Variants in MATN2 observed in about 807,000 individuals in gnomAD.
The protein encoded by MATN2 is matrilin-2.
MATN2 carries 69 observed loss-of-function variants against 103.2 expected under a neutral mutation model. That is an observed-to-expected ratio of 0.67 (90% CI 0.55 to 0.82). MATN2 has a LOEUF of 0.82. Among genes scored for constraint, MATN2 ranks in the 40% least tolerant of loss-of-function variants. The probability of loss-of-function intolerance (pLI) is 0.00; values close to 1 mark genes in which losing one functional copy is unlikely to be tolerated. For missense variants in MATN2, 1,023 were observed against 1,211.5 expected (o/e 0.84, Z 2.31); for synonymous variants, 429 against 450.2 (o/e 0.95, Z 0.60).
intron 5 of MATN2, among the ~76,000 whole-genome samples, chr8:97,973,151 C>T (rs537272433): frequency 6.6e-6 from 1 of 152,322 alleles, no homozygotes; most frequent in Non-Finnish European, 1.5e-5. Context: ...CACTGATGGC[C>T]TCATCTGCCG....
intron 2 of MATN2, among the ~76,000 whole-genome samples, chr8:97,906,313 G>T (rs971891958): frequency 1.3e-5 from 2 of 152,172 alleles, no homozygotes; most frequent in South Asian, 2.1e-4. Flanking sequence ...TGCCATGGGG[G>T]TCCCTGATAC....
intron 2 of MATN2, among the ~76,000 whole-genome samples, chr8:97,901,741 C>T (rs1192004933): frequency 6.6e-6 from 1 of 152,212 alleles, no homozygotes; most frequent in Non-Finnish European, 1.5e-5. Context: ...TCCACGGCCT[C>T]AGGCACCATG....
chr8:97,909,603 G>A (rs1349020385), intron 2 of MATN2, among the ~76,000 whole-genome samples: 1 of 152,132 alleles, frequency 6.6e-6, no homozygotes, highest in African/African-American at 2.4e-5. Context: ...GCAGGCAGGA[G>A]TATGCTTGAA....
chr8:97,883,834 G>A (rs566180719), intron 1 of MATN2, among the ~76,000 whole-genome samples: 44 of 152,156 alleles, frequency 2.9e-4, no homozygotes, highest in African/African-American at 9.9e-4. Flanking sequence ...GATTACAGGC[G>A]TGAGCCACTG....
intron 2 of MATN2, among the ~76,000 whole-genome samples, chr8:97,902,355 G>T (rs990730737): frequency 1.3e-5 from 2 of 151,546 alleles, no homozygotes; most frequent in African/African-American, 4.8e-5. Flanking sequence ...AAATTAGCTG[G>T]GTGTGGTGGC....
At chr8:97,939,428 G>A (rs1377303773) in intron 3 of MATN2, among the ~76,000 whole-genome samples, 2 of 152,170 alleles carry the variant, frequency 1.3e-5, no homozygotes, top group African/African-American at 4.8e-5. Context: ...TGAAAAGGAT[G>A]CTTGTTCACA....
Position 98,021,317 on chromosome 8 carries a change from A to G in MATN2, c.1932A>G (p.Arg644=). The part of the protein sequence containing the change: ...SEGFVLAEDG[R]RCKKCTEGPI... Reference sequence around the variant, plus strand: ...GATTTGTTCTAGCTGAGGACGGAAGACGGTGCAAGAGTAAGTGATCTGAAC... The same window carrying G: ...GATTTGTTCTAGCTGAGGACGGAAGGCGGTGCAAGAGTAAGTGATCTGAAC... Residue 644 remains arginine (R), a synonymous_variant, in exon 13 of 19, where the codon AGA becomes AGG. Coordinates refer to ENST00000254898, the MANE Select transcript of MATN2 (RefSeq NM_002380.5). The G allele has an allele frequency of 6.2e-7, 1 of 1,613,286 alleles. No individual in the cohort carries two copies. Among genetic ancestry groups the G allele is most frequent in the Non-Finnish European group, 8.5e-7 (1 of 1,179,380 alleles).
At chr8:97,979,286 T>TA (rs1811944991) in intron 6 of MATN2, among the ~76,000 whole-genome samples, 1 of 152,212 alleles carries the variant, frequency 6.6e-6, no homozygotes, top group African/African-American at 2.4e-5. Flanking sequence ...CCGAGCAACT[T>TA]ACTTCCTGCT....
At chr8:97,959,331 G>T (rs1300082355) in intron 4 of MATN2, among the ~76,000 whole-genome samples, 4 of 152,178 alleles carry the variant, frequency 2.6e-5, no homozygotes, top group African/African-American at 7.2e-5. Context: ...TATCCCCAAT[G>T]CTTGGGACAT....
At chr8:97,933,768 G>C (rs953155913) in intron 3 of MATN2, among the ~76,000 whole-genome samples, 1 of 152,050 alleles carries the variant, frequency 6.6e-6, no homozygotes, top group Non-Finnish European at 1.5e-5. Context: ...CAGGAGACAG[G>C]GCTGCTGTCT....
intron 5 of MATN2, among the ~76,000 whole-genome samples, chr8:97,964,331 A>G (rs1238186661): frequency 6.6e-6 from 1 of 152,174 alleles, no homozygotes; most frequent in Non-Finnish European, 1.5e-5. Flanking sequence ...GACATACTCC[A>G]TTAGTAGCTG....
At chr8:97,941,095 G>C (rs1352752228) in intron 3 of MATN2, among the ~76,000 whole-genome samples, 1 of 145,710 alleles carries the variant, frequency 6.9e-6, no homozygotes, top group Non-Finnish European at 1.5e-5. Flanking sequence ...CCAGGAGTTT[G>C]AGGCTGCAGT....
At chr8:97,945,900 T>A (rs971486767) in intron 4 of MATN2, among the ~76,000 whole-genome samples, 3 of 152,042 alleles carry the variant, frequency 2.0e-5, no homozygotes, top group African/African-American at 7.2e-5. Flanking sequence ...AGAGGGGTGA[T>A]GGTTCTTACA....
intron 2 of MATN2, among the ~76,000 whole-genome samples, chr8:97,918,676 T>G (rs1809713736): frequency 6.6e-6 from 1 of 152,188 alleles, no homozygotes; most frequent in Non-Finnish European, 1.5e-5. Context: ...TGAGTTGAGC[T>G]TTATCTCCTG....
intron 6 of MATN2, among the ~76,000 whole-genome samples, chr8:97,994,029 TAGA>T (rs138149639): frequency 0.026 from 1,939 of 74,530 alleles, 34 homozygotes; most frequent in African/African-American, 0.087. Flanking sequence ...ATAATAATAA[TAGA>T]AGAAGAAGAA....
At chr8:97,883,168 C>T (rs1818307890) in intron 1 of MATN2, among the ~76,000 whole-genome samples, 1 of 151,544 alleles carries the variant, frequency 6.6e-6, no homozygotes, top group African/African-American at 2.4e-5. Flanking sequence ...GCCTGTAGTC[C>T]CAGCTACTCA....
rs1810465533 is a variant in MATN2 at position 97,938,941 on chromosome 8, C to T, written c.713-2836C>T. The stretch of plus-strand genomic sequence containing the variant: ...TGTGTCTGCAGTGGCACAATCTCAG[C>T]TCACTGCAACCTCTGCCTCCCGGTT... On this transcript the variant is annotated intron_variant, in intron 3 of 18. Transcript: ENST00000254898. 2.6e-5 allele frequency among the ~76,000 whole-genome samples: 4 copies of T among 152,168 alleles called. No homozygotes were observed. In the South Asian group the frequency reaches 8.3e-4, roughly 32 times the overall value.
At chr8:98,022,022 G>A (rs1281624942) in intron 13 of MATN2, among the ~76,000 whole-genome samples, 2 of 152,136 alleles carry the variant, frequency 1.3e-5, no homozygotes, top group South Asian at 2.1e-4. Flanking sequence ...TTACAGATAC[G>A]TGCATGTTTA....
intron 7 of MATN2, 37 bp downstream of exon 7, chr8:97,994,639 G>A (rs753850260): frequency 6.3e-7 from 1 of 1,590,068 alleles, no homozygotes; most frequent in Non-Finnish European, 8.5e-7. Flanking sequence ...GGCTTGTTCT[G>A]CTAAATGCTC....
Sources: gnomAD v4.1 joint callset for allele counts (sites outside exome capture counted in the v4.1 genomes callset) on GRCh38, gnomAD v4.1.1 for gene constraint, MANE v1.5 for transcripts, NCBI Gene and HGNC (gene_info 2026-07-23, HGNC 2026-07-21) for gene names.